Variants in CLVS1 observed in about 807,000 individuals in gnomAD.
CLVS1 encodes the protein clavesin 1, also known as clavesin-1.
Under a neutral mutation model 33.1 loss-of-function variants are expected in CLVS1, and 10 were observed. The ratio of observed to expected loss-of-function variants is 0.30; its 90% CI spans 0.19 to 0.51. The LOEUF is 0.51. Ranked by LOEUF, CLVS1 falls within the 20% of genes least tolerant of loss-of-function variation. The pLI, the probability that CLVS1 is intolerant of heterozygous loss-of-function variation, is 0.97. For synonymous variants in CLVS1, 163 were observed against 166.1 expected (o/e 0.98, Z 0.14); for missense variants, 343 against 433.4 (o/e 0.79, Z 1.85).
rs1804718033 is a variant in CLVS1 at position 61,500,747 on chromosome 8, T to G, written c.*1205T>G. ...CCAGCCATCTGCATGACATGGGTAT[T>G]TATTAGTATTACCAGTTGGTGCTCA... On this transcript the variant is annotated 3_prime_UTR_variant, in exon 6 of 6. Transcript: ENST00000325897. 1 of 152,220 alleles carries G rather than the reference T, an allele frequency of 6.6e-6. No homozygotes were observed. Among genetic ancestry groups the G allele is most frequent in the Non-Finnish European group, 1.5e-5 (1 of 68,040 alleles). The allele number at this position is 152,220 out of a possible 1,614,324, so 9.4% of individuals were successfully genotyped here. A position where few individuals can be genotyped will look rare whatever the true frequency, so the allele number is the denominator to read the frequency against.
intron 1 of CLVS1, among the ~76,000 whole-genome samples, chr8:61,075,738 G>A (rs1329304342): frequency 6.6e-6 from 1 of 152,102 alleles, no homozygotes; most frequent in African/African-American, 2.4e-5. Context: ...CACCCTGATT[G>A]CCCATGCAGT....
At chr8:61,035,187 C>CTTTTTTTTTTTTTTTTTTTTTCTTTT in the CLVS1 span, among the ~76,000 whole-genome samples, 2 of 129,410 alleles carry the variant, frequency 1.5e-5, no homozygotes, top group Admixed American at 8.1e-5. Context: ...TTTCTTTTTT[C>CTTTTTTTTTTTTTTTTTTTTTCTTTT]TTTTTTTTTT....
At chr8:61,316,972 C>T (rs1376496822) in intron 2 of CLVS1, among the ~76,000 whole-genome samples, 1 of 151,940 alleles carries the variant, frequency 6.6e-6, no homozygotes, top group Non-Finnish European at 1.5e-5. Context: ...AATGTTTGGC[C>T]CCTTATTAGC....
intron 2 of CLVS1, among the ~76,000 whole-genome samples, chr8:61,132,377 T>C (rs2129291411): frequency 6.6e-6 from 1 of 152,168 alleles, no homozygotes; most frequent in Non-Finnish European, 1.5e-5. Flanking sequence ...GGGAAAGGCT[T>C]TTCCAGAAAG....
intron 1 of CLVS1, chr8:61,292,488 T>C (rs1035801159): frequency 2.3e-6 from 1 of 431,502 alleles, no homozygotes; most frequent in Non-Finnish European, 4.7e-6. Context: ...CTTTAGGTCC[T>C]CTTCCTTAAA....
intron 5 of CLVS1, among the ~76,000 whole-genome samples, chr8:61,484,777 G>A (rs1356317717): frequency 6.6e-6 from 1 of 151,908 alleles, no homozygotes; most frequent in African/African-American, 2.4e-5. Flanking sequence ...CAGAGCCCTT[G>A]GAAATAATAC....
intron 2 of CLVS1, among the ~76,000 whole-genome samples, chr8:61,187,946 G>A (rs759216645): frequency 2.0e-5 from 3 of 151,916 alleles, no homozygotes; most frequent in Non-Finnish European, 4.4e-5. Context: ...AGCTGAGAAA[G>A]TACTAAGTTA....
At chr8:61,300,339 A>C in intron 2 of CLVS1, 57 bp downstream of exon 2, 1 of 1,416,308 alleles carries the variant, frequency 7.1e-7, no homozygotes, top group Non-Finnish European at 9.6e-7. Flanking sequence ...TTATCACTGC[A>C]TGTTTGGGGT....
At chr8:61,150,879 A>AAGTCATCG (rs1217192921) in intron 2 of CLVS1, among the ~76,000 whole-genome samples, 1 of 152,056 alleles carries the variant, frequency 6.6e-6, no homozygotes, top group Non-Finnish European at 1.5e-5. Flanking sequence ...AGACCCCTGA[A>AAGTCATCG]AGTCATCGTT....
intron 5 of CLVS1, among the ~76,000 whole-genome samples, chr8:61,491,561 C>T (rs1006286355): frequency 2.0e-5 from 3 of 152,124 alleles, no homozygotes; most frequent in African/African-American, 7.2e-5. Context: ...AGATTAAATT[C>T]AAACTTTCTT....
intron 2 of CLVS1, among the ~76,000 whole-genome samples, chr8:61,341,450 T>C (rs1310765020): frequency 6.6e-6 from 1 of 152,224 alleles, no homozygotes; most frequent in Non-Finnish European, 1.5e-5. Flanking sequence ...TTGGGGACAC[T>C]TGTGAATATG....
the CLVS1 span, among the ~76,000 whole-genome samples, chr8:61,038,275 G>A: frequency 6.6e-6 from 1 of 152,054 alleles, no homozygotes; most frequent in Non-Finnish European, 1.5e-5. Context: ...ACCCAGTCCT[G>A]TTTTAGGGTC....
chr8:61,043,599 G>T, the CLVS1 span, among the ~76,000 whole-genome samples: 1 of 152,182 alleles, frequency 6.6e-6, no homozygotes, highest in Non-Finnish European at 1.5e-5. Flanking sequence ...TTTCCCATAA[G>T]GTAGGAAGAA....
intron 2 of CLVS1, among the ~76,000 whole-genome samples, chr8:61,170,856 C>T (rs1806981989): frequency 6.6e-6 from 1 of 152,114 alleles, no homozygotes; most frequent in South Asian, 2.1e-4. Context: ...AAGAGCATGT[C>T]TTGATTTACC....
the CLVS1 span, among the ~76,000 whole-genome samples, chr8:61,038,817 GT>G: frequency 6.6e-6 from 1 of 152,168 alleles, no homozygotes; most frequent in African/African-American, 2.4e-5. Flanking sequence ...AGGTCCTTTT[GT>G]GATATGAAGT....
At chr8:61,425,920 G>C (rs965332705) in intron 3 of CLVS1, among the ~76,000 whole-genome samples, 1 of 152,138 alleles carries the variant, frequency 6.6e-6, no homozygotes, top group Non-Finnish European at 1.5e-5. Flanking sequence ...ACACCATTTT[G>C]CATGAAGTTA....
chr8:61,199,084 C>T (rs1046741211), intron 2 of CLVS1, among the ~76,000 whole-genome samples: 5 of 152,136 alleles, frequency 3.3e-5, no homozygotes, highest in Non-Finnish European at 4.4e-5. Flanking sequence ...GCAGATACTC[C>T]GTAGTGGGAT....
At chr8:61,497,444 G>GGC (rs1554581110) in intron 5 of CLVS1, among the ~76,000 whole-genome samples, 9 of 132,570 alleles carry the variant, frequency 6.8e-5, no homozygotes, top group Admixed American at 3.7e-4. Context: ...GTTTTTATTG[G>GGC]GGGGGGGGTG....
intron 2 of CLVS1, among the ~76,000 whole-genome samples, chr8:61,247,429 G>T (rs1808838575): frequency 6.6e-6 from 1 of 152,104 alleles, no homozygotes; most frequent in Non-Finnish European, 1.5e-5. Context: ...GTGTATAAGG[G>T]TTCCATTTTC....
Sources: gnomAD v4.1 joint callset for allele counts (sites outside exome capture counted in the v4.1 genomes callset) on GRCh38, gnomAD v4.1.1 for gene constraint, MANE v1.5 for transcripts, NCBI Gene and HGNC (gene_info 2026-07-23, HGNC 2026-07-21) for gene names.